DYNC2H1: variants seen among roughly 807,000 people sequenced by gnomAD.
The protein encoded by DYNC2H1 is cytoplasmic dynein 2 heavy chain 1.
A neutral mutation model predicts 570.0 loss-of-function variants in DYNC2H1; 410 were observed. That is an observed-to-expected ratio of 0.72 (90% CI 0.66 to 0.78). The LOEUF is 0.78. Among genes scored for constraint, DYNC2H1 ranks in the 30% least tolerant of loss-of-function variants. The pLI, the probability that DYNC2H1 is intolerant of heterozygous loss-of-function variation, is 0.00. For synonymous variants in DYNC2H1, 1,688 were observed against 1,677.6 expected (o/e 1.01, Z -0.15); for missense variants, 4,865 against 5,046.4 (o/e 0.96, Z 1.09).
At chr11:103,220,930 T>C in intron 57 of DYNC2H1, 147 bp downstream of exon 57, 1 of 681,256 alleles carries the variant, frequency 1.5e-6, no homozygotes, top group Non-Finnish European at 2.4e-6. Flanking sequence ...CAAGGTATTC[T>C]ATGTAATCAT....
intron 17 of DYNC2H1, among the ~76,000 whole-genome samples, chr11:103,141,921 C>A (rs926430998): frequency 1.3e-5 from 2 of 152,178 alleles, no homozygotes; most frequent in African/African-American, 4.8e-5. Flanking sequence ...GGCGGGTGCC[C>A]CTCCCACAGC....
At chr11:103,442,681 A>G (rs1944307621) in intron 85 of DYNC2H1, among the ~76,000 whole-genome samples, 1 of 152,154 alleles carries the variant, frequency 6.6e-6, no homozygotes, top group African/African-American at 2.4e-5. Context: ...GTATAGCAAC[A>G]TAATTGGCTT....
intron 84 of DYNC2H1, among the ~76,000 whole-genome samples, chr11:103,417,297 TTCACCATGTTGGTCAGGATGGTC>T (rs1469688650): frequency 6.6e-6 from 1 of 151,342 alleles, no homozygotes; most frequent in Non-Finnish European, 1.5e-5. Flanking sequence ...TCAGGGGGGT[TTCACCATGTTGGTCAGGATGGTC>T]TCGATCTCTT....
intron 13 of DYNC2H1, among the ~76,000 whole-genome samples, chr11:103,131,547 C>G (rs1321446334): frequency 6.6e-6 from 1 of 151,864 alleles, no homozygotes; most frequent in African/African-American, 2.4e-5. Context: ...TTCTATGCTT[C>G]TTTGGATATT....
intron 84 of DYNC2H1, chr11:103,404,083 T>C (rs999902303): frequency 3.3e-5 from 5 of 152,042 alleles, no homozygotes; most frequent in African/African-American, 1.2e-4. Context: ...AAAATAATTA[T>C]AAGAGTATGG....
At chr11:103,321,504 A>C (rs1277199880) in intron 81 of DYNC2H1, among the ~76,000 whole-genome samples, 1 of 152,156 alleles carries the variant, frequency 6.6e-6, no homozygotes, top group Non-Finnish European at 1.5e-5. Context: ...AGAAAATTCA[A>C]ATAAGGTAGG....
rs773531263 is a variant in DYNC2H1 at position 103,117,857 on chromosome 11, T to A, written c.993T>A (p.Leu331=). ...CACTTGACAAACTTGGCAAACGCCT[T>A]GAAGAGGTATCAATTTGATTATCTA... ...PETLDKLGKR[L]EEVLAIRTIH... is the part of the protein sequence containing the mutation. The change falls in exon 6 of 89, where the codon CTT becomes CTA. Residue 331 remains leucine, a synonymous_variant. Coordinates refer to ENST00000375735, the MANE Select transcript of DYNC2H1 (RefSeq NM_001377.3). The A allele has an allele frequency of 1.5e-5, 24 of 1,609,608 alleles. No individual in the cohort carries two copies. Among genetic ancestry groups the A allele is most frequent in the Non-Finnish European group, 2.0e-5 (24 of 1,177,414 alleles).
intron 47 of DYNC2H1, among the ~76,000 whole-genome samples, chr11:103,195,030 C>T (rs977169880): frequency 5.3e-5 from 8 of 152,128 alleles, no homozygotes; most frequent in Non-Finnish European, 1.0e-4. Flanking sequence ...TGGTTTGTTA[C>T]TGTTGAGTTT....
At chr11:103,307,635 T>G (rs1405912058) in intron 77 of DYNC2H1, 86 bp from the exon 78 acceptor site, 2 of 638,434 alleles carry the variant, frequency 3.1e-6, no homozygotes, top group Non-Finnish European at 5.1e-6. Context: ...AAAGTTTTAA[T>G]TAAAAATAGT....
At position 103,201,629 on chromosome 11, in the gene DYNC2H1, A is replaced by G. The variant is rs1342526229; in HGVS notation, c.8197+1475A>G. Among the ~76,000 whole-genome samples, 1 of 152,138 alleles carries G rather than the reference A, an allele frequency of 6.6e-6. No homozygotes were observed. The highest frequency in any genetic ancestry group is 1.5e-5 in the Non-Finnish European group (1 of 68,022). ...AATTGAGTCTCTGCAACCTGAACTAAGAACTGTTGCTACTCTTCTCCTGTG... is the reference window on the plus strand; with the variant it reads ...AATTGAGTCTCTGCAACCTGAACTAGGAACTGTTGCTACTCTTCTCCTGTG... On this transcript the variant is annotated intron_variant, in intron 50 of 88. Coordinates refer to ENST00000375735, the MANE Select transcript of DYNC2H1 (RefSeq NM_001377.3). The surrounding 1 kb of genome is among the most constrained non-coding windows in gnomAD (Gnocchi z 4.8).
intron 83 of DYNC2H1, among the ~76,000 whole-genome samples, chr11:103,394,125 C>A (rs532093989): frequency 6.6e-6 from 1 of 152,284 alleles, no homozygotes; most frequent in East Asian, 1.9e-4. Context: ...AGCTCTTCAA[C>A]ACTTCTGATT....
chr11:103,374,247 G>T (rs571209334), intron 83 of DYNC2H1, among the ~76,000 whole-genome samples: 1 of 152,114 alleles, frequency 6.6e-6, no homozygotes. Context: ...TGAATCATGG[G>T]GGGTGGTTTT....
At chr11:103,442,078 A>G (rs1412517194) in intron 85 of DYNC2H1, among the ~76,000 whole-genome samples, 2 of 152,078 alleles carry the variant, frequency 1.3e-5, no homozygotes, top group African/African-American at 4.8e-5. Flanking sequence ...CAGCATCCCC[A>G]TTTTTGTATA....
intron 88 of DYNC2H1, among the ~76,000 whole-genome samples, chr11:103,469,121 G>A (rs61904825): frequency 0.16 from 24,853 of 152,150 alleles, 2,199 homozygotes; most frequent in Admixed American, 0.25. Flanking sequence ...TGCTCACGCA[G>A]GTTAAATGAC....
rs200752422 is a variant in DYNC2H1, at chr11:103,186,760, C to CA, written c.6893+273dup. On this transcript the variant is annotated intron_variant, in intron 42 of 88. Coordinates refer to ENST00000375735, the MANE Select transcript of DYNC2H1 (RefSeq NM_001377.3). This position sits in a 1 kb window ranked among gnomAD's most constrained non-coding sequence, Gnocchi z 4.5. ...AAAATTATCCGTCCATATAATACAG[C>CA]AAAAAAAAAAAAAAGAATGCCTTAT... 0.18 allele frequency among the ~76,000 whole-genome samples: 24,594 copies of CA among 136,182 alleles called. 2,236 individuals carry two copies. The highest frequency in any genetic ancestry group is 0.27 in the Middle Eastern group (67 of 252). The allele number at this position is 136,182 out of a possible 152,430, so 89.3% of individuals were successfully genotyped here.
chr11:103,332,528 G>A (rs1938869752), intron 82 of DYNC2H1, among the ~76,000 whole-genome samples: 1 of 152,084 alleles, frequency 6.6e-6, no homozygotes, highest in Admixed American at 6.5e-5. Context: ...CTAGCAGCGG[G>A]GTAGAGAAAG....
At chr11:103,164,211 A>G (rs1861208403) in intron 30 of DYNC2H1, among the ~76,000 whole-genome samples, 1 of 66,102 alleles carries the variant, frequency 1.5e-5, no homozygotes, top group African/African-American at 3.6e-5. Flanking sequence ...ATATTGTATA[A>G]TATTTGGGTT....
Position 103,219,984 on chromosome 11 carries a change from G to T in DYNC2H1, c.8902G>T (p.Glu2968Ter). The T allele has an allele frequency of 1.3e-6, 2 of 1,496,230 alleles. No homozygotes were observed. The highest frequency in any genetic ancestry group is 2.7e-5 in the South Asian group (2 of 72,800). 92.7% of individuals were successfully genotyped at this position (1,496,230 alleles called of 1,614,324 possible). ...AATAGCAGAAGAAGTTGTTAAAATT[G>T]AAGAAAGAAAAAATAAAATTGATGA... is the stretch of plus-strand genomic sequence containing the variant. ...HRIAEEVVKI[E>*]ERKNKIDDEL... Residue 2968 changes from glutamate to a stop codon, truncating the protein, a stop_gained, in exon 56 of 89, where the codon GAA (glutamate) becomes TAA (stop). Transcript: ENST00000375735. LOFTEE classifies it high-confidence loss of function.
At chr11:103,468,509 G>A in intron 87 of DYNC2H1, 80 bp from the exon 88 acceptor site, 1 of 902,688 alleles carries the variant, frequency 1.1e-6, no homozygotes, top group Non-Finnish European at 1.8e-6. Context: ...GGAAAGCATA[G>A]CTCTTAAGGT....
Sources: allele counts gnomAD v4.1 joint callset (sites outside exome capture counted in the v4.1 genomes callset), GRCh38; gene constraint gnomAD v4.1.1; non-coding constraint Gnocchi (gnomAD v3.1); transcripts MANE v1.5; gene names NCBI Gene and HGNC (gene_info 2026-07-23, HGNC 2026-07-21).